DPYSL2: variants seen among roughly 807,000 people sequenced by gnomAD.
The protein encoded by DPYSL2 is dihydropyrimidinase-related protein 2.
DPYSL2 carries 13 observed loss-of-function variants against 69.9 expected under a neutral mutation model. The observed-to-expected ratio is 0.19, with a 90% CI of 0.12 to 0.30. The LOEUF is 0.30. Ranked by LOEUF, DPYSL2 falls within the 10% of genes least tolerant of loss-of-function variation. DPYSL2 has a pLI of 1.00. For synonymous variants in DPYSL2, 326 were observed against 359.1 expected, an observed-to-expected ratio of 0.91 and a Z score of 1.04; for missense variants, 587 against 918.9, an observed-to-expected ratio of 0.64 and a Z score of 4.67.
In DPYSL2 at chr8:26,627,318, A is replaced by G. The variant is rs779642078; in HGVS notation, c.936+23A>G. The G allele has an allele frequency of 2.5e-6, 4 of 1,612,764 alleles. No individual in the cohort carries two copies. The highest frequency in any genetic ancestry group is 3.4e-6 in the Non-Finnish European group (4 of 1,178,854). On this transcript the variant is annotated intron_variant, in intron 6 of 13. Coordinates refer to ENST00000521913, the MANE Select transcript of DPYSL2 (RefSeq NM_001197293.3). This position sits in a 1 kb window ranked among gnomAD's most constrained non-coding sequence, Gnocchi z 6.9. ...GAGGTACAGGGCTTTCTTTTTCGTC[A>G]TTTCTTCATCACCTGGAGGGTGAGA...
chr8:26,599,612 C>G (rs1426647138), intron 3 of DPYSL2, among the ~76,000 whole-genome samples: 1 of 149,188 alleles, frequency 6.7e-6, no homozygotes, highest in Non-Finnish European at 1.5e-5. Context: ...TTCTCTCGCT[C>G]TCTCTCTTTC....
intron 1 of DPYSL2, among the ~76,000 whole-genome samples, chr8:26,537,785 T>C (rs1041532813): frequency 2.6e-5 from 4 of 152,232 alleles, no homozygotes; most frequent in East Asian, 1.9e-4. Context: ...ATTGATACAA[T>C]ACTACCCTCT....
At chr8:26,623,788 A>C (rs1563414382) in intron 3 of DPYSL2, 1 of 212,638 alleles carries the variant, frequency 4.7e-6, no homozygotes, top group South Asian at 8.2e-5. Context: ...GCTGCTTTCA[A>C]CACAAAGAAG....
chr8:26,644,232 C>T lies in DPYSL2; in HGVS notation c.1425+141C>T, dbSNP rs1479205657. On this transcript the variant is annotated intron_variant, in intron 10 of 13. Transcript: ENST00000521913. The surrounding 1 kb of genome is among the most constrained non-coding windows in gnomAD (Gnocchi z 4.5). ...AGCCAGTACTTATATGACAATATTTCTGAGGGTTGGAAATCTAAGACCTCT... is the reference window on the plus strand; with the variant it reads ...AGCCAGTACTTATATGACAATATTTTTGAGGGTTGGAAATCTAAGACCTCT... 9.9e-7 allele frequency: 1 copy of T among 1,012,586 alleles called. No homozygotes were observed. The highest frequency in any genetic ancestry group is 1.4e-6 in the Non-Finnish European group (1 of 730,478). 62.7% of individuals were successfully genotyped at this position (1,012,586 alleles called of 1,614,324 possible). A position where few individuals can be genotyped will look rare whatever the true frequency, so the allele number is the denominator to read the frequency against.
At chr8:26,639,262 G>A (rs1440520821) in intron 8 of DPYSL2, among the ~76,000 whole-genome samples, 1 of 152,172 alleles carries the variant, frequency 6.6e-6, no homozygotes, top group Non-Finnish European at 1.5e-5. Context: ...AGTAGAGAAA[G>A]GGGGAAGATT....
intron 7 of DPYSL2, among the ~76,000 whole-genome samples, chr8:26,633,840 G>A (rs925940927): frequency 1.3e-5 from 2 of 152,246 alleles, no homozygotes; most frequent in Non-Finnish European, 2.9e-5. Flanking sequence ...GCTGAAGGTC[G>A]TACCAGGCTG....
At chr8:26,649,327 T>C (rs1248468927) in intron 11 of DPYSL2, among the ~76,000 whole-genome samples, 1 of 152,186 alleles carries the variant, frequency 6.6e-6, no homozygotes, top group Admixed American at 6.5e-5. Context: ...GCAAGGTTGC[T>C]TCCCCCAGAG....
Position 26,626,751 on chromosome 8 carries a change from A to G in DPYSL2, c.855+73A>G, listed in dbSNP as rs1802626374. On this transcript the variant is annotated intron_variant, in intron 5 of 13. Coordinates refer to ENST00000521913, the MANE Select transcript of DPYSL2 (RefSeq NM_001197293.3). The surrounding 1 kb of genome is among the most constrained non-coding windows in gnomAD (Gnocchi z 4.3). ...TCAGGCTGTGGCCGTTTGGGAAAGC[A>G]GTCTCCGATGTATGCATGTTTCCTA... 6.7e-7 allele frequency: 1 copy of G among 1,488,130 alleles called. No individual in the cohort carries two copies. The highest frequency in any genetic ancestry group is 1.7e-5 in the Admixed American group (1 of 58,430). 92.2% of individuals were successfully genotyped at this position (1,488,130 alleles called of 1,614,324 possible).
At position 26,620,830 on chromosome 8, in the gene DPYSL2, A is replaced by G. The variant is rs960386408; in HGVS notation, c.629-3313A>G. Among the ~76,000 whole-genome samples the G allele has an allele frequency of 6.6e-6, 1 of 152,206 alleles. No individual in the cohort carries two copies. Among genetic ancestry groups the G allele is most frequent in the Non-Finnish European group, 1.5e-5 (1 of 68,036 alleles). The stretch of plus-strand genomic sequence containing the variant: ...AAACCTATCAGGCTTCCTTATTTAC[A>G]TTGGCTAGAGAGCCTAACTCTAAAT... On this transcript the variant is annotated intron_variant, in intron 3 of 13. Transcript: ENST00000521913. This position sits in a 1 kb window ranked among gnomAD's most constrained non-coding sequence, Gnocchi z 4.5.
At chr8:26,529,256 CT>C (rs1444275622) in intron 1 of DPYSL2, among the ~76,000 whole-genome samples, 1 of 149,106 alleles carries the variant, frequency 6.7e-6, no homozygotes, top group Non-Finnish European at 1.5e-5. Flanking sequence ...ATCTATCTAT[CT>C]ATCTATCTAT....
Position 26,514,203 on chromosome 8 carries a change from T to C in DPYSL2, c.-123T>C. 3 of 873,592 alleles carry C rather than the reference T, an allele frequency of 3.4e-6. No individual in the cohort carries two copies. In the South Asian group the frequency reaches 6.8e-5, roughly 20 times the overall value. The allele number at this position is 873,592 out of a possible 1,614,324, so 54.1% of individuals were successfully genotyped here. ...CAGCCCTCCTTCCTTTCTGTGCACC[T>C]TGCGGTGGGCGGCGAACGGCAGCCG... On this transcript the variant is annotated 5_prime_UTR_variant, in exon 1 of 14. Coordinates refer to ENST00000521913, the MANE Select transcript of DPYSL2 (RefSeq NM_001197293.3). The surrounding 1 kb of genome is among the most constrained non-coding windows in gnomAD (Gnocchi z 8.4).
intron 1 of DPYSL2, among the ~76,000 whole-genome samples, chr8:26,570,256 G>A (rs745366856): frequency 6.6e-6 from 1 of 152,110 alleles, no homozygotes; most frequent in Non-Finnish European, 1.5e-5. Context: ...CAGAGCCACT[G>A]AGTGAAACTG....
At position 26,642,106 on chromosome 8, in the gene DPYSL2, A is replaced by G. The variant is rs1015330653; in HGVS notation, c.1127-1333A>G. Among the ~76,000 whole-genome samples the G allele has an allele frequency of 6.6e-6, 1 of 152,232 alleles. No homozygotes were observed. Among genetic ancestry groups the G allele is most frequent in the African/African-American group, 2.4e-5 (1 of 41,458 alleles). On this transcript the variant is annotated intron_variant, in intron 8 of 13. Coordinates refer to ENST00000521913, the MANE Select transcript of DPYSL2 (RefSeq NM_001197293.3). This position sits in a 1 kb window ranked among gnomAD's most constrained non-coding sequence, Gnocchi z 5.3. ...AGCTAGTGAGAGATGAATTCAGCTG[A>G]CCTGGGATCAAATTCCAGCTTGGAT...
chr8:26,520,098 C>T (rs187409853), intron 1 of DPYSL2, among the ~76,000 whole-genome samples: 67 of 152,246 alleles, frequency 4.4e-4, no homozygotes, highest in Non-Finnish European at 8.7e-4. Context: ...GTGAATAAGT[C>T]TCACAAGATT....
chr8:26,521,061 T>G (rs534542907), intron 1 of DPYSL2, among the ~76,000 whole-genome samples: 6 of 152,150 alleles, frequency 3.9e-5, no homozygotes, highest in Admixed American at 2.0e-4. Flanking sequence ...AAACACAAAG[T>G]CCATAACAAT....
rs1803251709 is a variant in DPYSL2 at position 26,650,114 on chromosome 8, C to G, written c.1597-2143C>G. ...AGATTTTCTAAATGCCTACTGTGAG[C>G]CAAATAGTGAGCTAGATGCTTTTGT... On this transcript the variant is annotated intron_variant, in intron 11 of 13. Coordinates refer to ENST00000521913, the MANE Select transcript of DPYSL2 (RefSeq NM_001197293.3). The surrounding 1 kb of genome is among the most constrained non-coding windows in gnomAD (Gnocchi z 5.3). Among the ~76,000 whole-genome samples the G allele has an allele frequency of 6.6e-6, 1 of 152,146 alleles. No homozygotes were observed. The highest frequency in any genetic ancestry group is 2.1e-4 in the South Asian group (1 of 4,820).
In DPYSL2 at chr8:26,585,400, C is replaced by G. The variant is rs1039321742; in HGVS notation, c.628+1417C>G. 1.3e-5 allele frequency among the ~76,000 whole-genome samples: 2 copies of G among 152,170 alleles called. No homozygotes were observed. The highest frequency in any genetic ancestry group is 6.6e-5 in the Admixed American group (1 of 15,266). Reference sequence around the variant, plus strand: ...CACAACTCATCCTCTGGCGTTCTCTCTGTCCTGGCCCTCAGGGTCTGAAGC... The same window carrying G: ...CACAACTCATCCTCTGGCGTTCTCTGTGTCCTGGCCCTCAGGGTCTGAAGC... On this transcript the variant is annotated intron_variant, in intron 3 of 13. Transcript: ENST00000521913. This position sits in a 1 kb window ranked among gnomAD's most constrained non-coding sequence, Gnocchi z 4.0.
rs1201179222 is a variant in DPYSL2, at chr8:26,614,827, C to G, written c.629-9316C>G. Among the ~76,000 whole-genome samples, 1 of 152,238 alleles carries G rather than the reference C, an allele frequency of 6.6e-6. No individual in the cohort carries two copies. The highest frequency in any genetic ancestry group is 1.5e-5 in the Non-Finnish European group (1 of 68,046). On this transcript the variant is annotated intron_variant, in intron 3 of 13. Transcript: ENST00000521913. The surrounding 1 kb of genome is among the most constrained non-coding windows in gnomAD (Gnocchi z 4.9). ...AGAACATGTTTCCATATGCCTGCCA[C>G]CCTTAGGCTAAGGACACGGTTTTCC... is the stretch of plus-strand genomic sequence containing the variant.
chr8:26,556,247 ATAGTATATATATAC>A (rs1287827220), intron 1 of DPYSL2, among the ~76,000 whole-genome samples: 2 of 10,246 alleles, frequency 2.0e-4, no homozygotes, highest in Non-Finnish European at 2.1e-4. Context: ...TATAATATAT[ATAGTATATATATAC>A]TATAGTATAT....
Sources: allele counts gnomAD v4.1 joint callset (sites outside exome capture counted in the v4.1 genomes callset), GRCh38; gene constraint gnomAD v4.1.1; non-coding constraint Gnocchi (gnomAD v3.1); transcripts MANE v1.5; gene names NCBI Gene and HGNC (gene_info 2026-07-23, HGNC 2026-07-21).